The following LIMD1 variants were observed in gnomAD, a reference collection of about 807,000 sequenced individuals.
LIMD1 encodes LIM domain containing 1.
LIMD1 carries 23 observed loss-of-function variants against 58.4 expected under a neutral mutation model. The observed-to-expected ratio is 0.39, with a 90% CI of 0.28 to 0.56. The LOEUF (loss-of-function observed/expected upper bound fraction) is 0.56. Among genes scored for constraint, LIMD1 ranks in the 20% least tolerant of loss-of-function variants. The pLI is 0.57. For missense variants in LIMD1, 838 were observed against 855.5 expected (o/e 0.98, Z 0.25); for synonymous variants, 334 against 345.5 (o/e 0.97, Z 0.37).
At chr3:45,655,256 A>G (rs1313952639) in intron 2 of LIMD1, among the ~76,000 whole-genome samples, 2 of 152,202 alleles carry the variant, frequency 1.3e-5, no homozygotes, top group Non-Finnish European at 2.9e-5. Context: ...GATGTAAATA[A>G]AGAAAATAAA....
At chr3:45,622,324 C>A (rs1701635370) in intron 1 of LIMD1, among the ~76,000 whole-genome samples, 1 of 152,108 alleles carries the variant, frequency 6.6e-6, no homozygotes, top group South Asian at 2.1e-4. Flanking sequence ...CAGTAGTCTG[C>A]CCTCATGCGT....
At chr3:45,610,496 G>A (rs1489537620) in intron 1 of LIMD1, among the ~76,000 whole-genome samples, 1 of 152,144 alleles carries the variant, frequency 6.6e-6, no homozygotes, top group East Asian at 1.9e-4. Flanking sequence ...GAGTTCCAGG[G>A]ACTAGCTCAC....
chr3:45,647,824 C>G (rs527533576), intron 2 of LIMD1, among the ~76,000 whole-genome samples: 2 of 152,186 alleles, frequency 1.3e-5, no homozygotes, highest in Non-Finnish European at 2.9e-5. Context: ...TATCCCCCTC[C>G]TCCGCTGCCC....
chr3:45,647,943 A>G (rs1048600161), intron 2 of LIMD1, among the ~76,000 whole-genome samples: 1 of 150,094 alleles, frequency 6.7e-6, no homozygotes, highest in African/African-American at 2.5e-5. Context: ...GGTGAATATC[A>G]CTCTCCCTTC....
intron 2 of LIMD1, among the ~76,000 whole-genome samples, chr3:45,657,147 C>A (rs1697344023): frequency 6.6e-6 from 1 of 152,150 alleles, no homozygotes; most frequent in African/African-American, 2.4e-5. Context: ...TGCTTCTCAG[C>A]ACCAGGTTGC....
intron 2 of LIMD1, among the ~76,000 whole-genome samples, chr3:45,646,029 CA>C (rs35353411): frequency 0.3 from 28,596 of 96,768 alleles, 2,816 homozygotes; most frequent in East Asian, 0.34. Context: ...GACTCTGTCT[CA>C]AAAAAAAAAA....
chr3:45,618,624 T>C (rs945458364), intron 1 of LIMD1, among the ~76,000 whole-genome samples: 1 of 152,154 alleles, frequency 6.6e-6, no homozygotes, highest in East Asian at 1.9e-4. Flanking sequence ...AAATGAACTT[T>C]TATGGGGCAC....
In LIMD1 at chr3:45,594,843, A is replaced by G. The variant is rs267238; in HGVS notation, c.-37A>G. ...CACACACACACACACACACACACAC[A>G]CGGCACCTGGGCTAGGCCCGGACAC... On this transcript the variant is annotated 5_prime_UTR_variant, in exon 1 of 8. Transcript: ENST00000273317. 0.52 allele frequency: 612,498 copies of G among 1,178,800 alleles called. 174,821 individuals are homozygous for G. Among genetic ancestry groups the G allele is most frequent in the East Asian group, 0.69 (28,210 of 41,038 alleles). 73.0% of individuals were successfully genotyped at this position (1,178,800 alleles called of 1,614,324 possible).
At chr3:45,660,405 CTTTTTTTT>C (rs869301368) in intron 2 of LIMD1, among the ~76,000 whole-genome samples, 15 of 79,998 alleles carry the variant, frequency 1.9e-4, no homozygotes, top group South Asian at 6.8e-4. Flanking sequence ...GGTGGGCTGT[CTTTTTTTT>C]TTTTTTTTTT....
intron 1 of LIMD1, among the ~76,000 whole-genome samples, chr3:45,622,823 G>A (rs1165643308): frequency 6.6e-6 from 1 of 151,970 alleles, no homozygotes; most frequent in Non-Finnish European, 1.5e-5. Flanking sequence ...CGTGGCTACT[G>A]CACCTGGCTA....
In LIMD1 at chr3:45,665,848, G is replaced by A. The variant is rs932488587; in HGVS notation, c.1578+131G>A. ...GAGGGGCCCTGCCTTTCCTTCTGTA[G>A]ATACTTGGGGGTGGCCATGTTCCTG... On this transcript the variant is annotated intron_variant, in intron 3 of 7. Coordinates refer to ENST00000273317, the MANE Select transcript of LIMD1 (RefSeq NM_014240.3). 1.3e-5 allele frequency: 10 copies of A among 766,416 alleles called. No individual in the cohort carries two copies. The Admixed American group carries it at 1.6e-4, about 13-fold the overall frequency. The allele number at this position is 766,416 out of a possible 1,614,324, so 47.5% of individuals were successfully genotyped here.
chr3:45,608,084 G>A (rs1171688267), intron 1 of LIMD1, among the ~76,000 whole-genome samples: 1 of 152,264 alleles, frequency 6.6e-6, no homozygotes, highest in East Asian at 1.9e-4. Flanking sequence ...CTAGGTTCCA[G>A]GGCATTTGCT....
At chr3:45,647,683 G>T (rs1370881657) in intron 2 of LIMD1, among the ~76,000 whole-genome samples, 1 of 152,246 alleles carries the variant, frequency 6.6e-6, no homozygotes, top group African/African-American at 2.4e-5. Context: ...CAGCAGCGAG[G>T]AGGCCACTCC....
In LIMD1 at chr3:45,620,507, G is replaced by C. The variant is rs542758012; in HGVS notation, c.1409-15643G>C. 6.2e-4 allele frequency among the ~76,000 whole-genome samples: 94 copies of C among 152,314 alleles called. 2 individuals carry two copies. Among genetic ancestry groups the C allele is most frequent in the African/African-American group, 2.1e-3 (89 of 41,566 alleles). On this transcript the variant is annotated intron_variant, in intron 1 of 7. Coordinates refer to ENST00000273317, the MANE Select transcript of LIMD1 (RefSeq NM_014240.3). The stretch of plus-strand genomic sequence containing the variant: ...GTTGCTGTCAAGAATCATCAATGGG[G>C]CTGGGCATGGTGGCTCATGCTTGTA...
chr3:45,598,976 G>A (rs1701383793), intron 1 of LIMD1, among the ~76,000 whole-genome samples: 2 of 152,134 alleles, frequency 1.3e-5, no homozygotes, highest in South Asian at 2.1e-4. Flanking sequence ...GAAAACGGAA[G>A]CTCAGGGAGA....
At chr3:45,612,274 G>A (rs1226423280) in intron 1 of LIMD1, among the ~76,000 whole-genome samples, 3 of 152,012 alleles carry the variant, frequency 2.0e-5, no homozygotes, top group African/African-American at 7.3e-5. Flanking sequence ...TGTAGAGGCA[G>A]GGTCTCGCTG....
chr3:45,668,239 TGGCTGATTCATC>T, intron 3 of LIMD1, 43 bp from the exon 4 acceptor site: 1 of 1,368,010 alleles, frequency 7.3e-7, no homozygotes, highest in Non-Finnish European at 1.0e-6. Context: ...GTTGGGGAAG[TGGCTGATTCATC>T]TTACCAGTCT....
At chr3:45,659,992 G>A (rs1253500311) in intron 2 of LIMD1, among the ~76,000 whole-genome samples, 2 of 152,132 alleles carry the variant, frequency 1.3e-5, no homozygotes, top group Admixed American at 1.3e-4. Context: ...AACACTAGAG[G>A]GTTCAGTGCT....
At chr3:45,616,116 T>C (rs962853577) in intron 1 of LIMD1, among the ~76,000 whole-genome samples, 4 of 152,186 alleles carry the variant, frequency 2.6e-5, no homozygotes, top group Non-Finnish European at 5.9e-5. Context: ...TCTGGGAGAC[T>C]TGTGTCACCC....
Sources: allele counts gnomAD v4.1 joint callset (sites outside exome capture counted in the v4.1 genomes callset), GRCh38; gene constraint gnomAD v4.1.1; transcripts MANE v1.5; gene names NCBI Gene and HGNC (gene_info 2026-07-23, HGNC 2026-07-21).